SPTAN1: variants seen among roughly 807,000 people sequenced by gnomAD.
The protein encoded by SPTAN1 is spectrin alpha chain, non-erythrocytic 1.
A neutral mutation model predicts 331.3 loss-of-function variants in SPTAN1; 61 were observed. That is an observed-to-expected ratio of 0.18 (90% confidence interval 0.15 to 0.23). The LOEUF (loss-of-function observed/expected upper bound fraction) is 0.23, where lower values mean the gene tolerates loss of function less well. SPTAN1 is among the 10% of genes least tolerant of loss of function. The pLI is 1.00. For missense variants in SPTAN1, 2,043 were observed against 3,147.9 expected, an observed-to-expected ratio of 0.65 and a Z score of 8.40; for synonymous variants, 1,153 against 1,173.9, an observed-to-expected ratio of 0.98 and a Z score of 0.36.
chr9:128,589,047 A>G, intron 21 of SPTAN1, 104 bp downstream of exon 21: 1 of 1,498,662 alleles, frequency 6.7e-7, no homozygotes, highest in Non-Finnish European at 9.0e-7. Context: ...GAGAAGGCTT[A>G]GAATTCAAAG....
At chr9:128,556,712 A>G (rs1456131376) in intron 1 of SPTAN1, among the ~76,000 whole-genome samples, 1 of 152,224 alleles carries the variant, frequency 6.6e-6, no homozygotes, top group East Asian at 1.9e-4. Context: ...GAAGGCTGAC[A>G]TGCTGATCCA....
At chr9:128,586,016 T>C in intron 19 of SPTAN1, 51 bp downstream of exon 19, 1 of 1,556,318 alleles carries the variant, frequency 6.4e-7, no homozygotes, top group Non-Finnish European at 8.8e-7. Context: ...GAACAGGGCT[T>C]GTACTGAGAA....
chr9:128,569,000 A>G (rs1589156049), intron 3 of SPTAN1, 103 bp downstream of exon 3: 1 of 1,510,402 alleles, frequency 6.6e-7, no homozygotes. Context: ...AGACTTTTCC[A>G]GCTTTTAAAA....
intron 20 of SPTAN1, 101 bp downstream of exon 20, chr9:128,587,799 T>C: frequency 3.5e-6 from 3 of 863,718 alleles, no homozygotes; most frequent in Non-Finnish European, 5.8e-6. Context: ...ACTCTGCTAT[T>C]AACTCTTGTG....
At chr9:128,630,501 C>G in intron 52 of SPTAN1, 126 bp downstream of exon 52, 1 of 874,196 alleles carries the variant, frequency 1.1e-6, no homozygotes, top group Non-Finnish European at 1.9e-6. Flanking sequence ...TTCCCTTGGC[C>G]TAAAGCAGTC....
intron 3 of SPTAN1, among the ~76,000 whole-genome samples, chr9:128,570,361 A>T (rs1360849119): frequency 9.4e-6 from 1 of 106,544 alleles, no homozygotes; most frequent in East Asian, 2.8e-4. Flanking sequence ...TTTTGAGACG[A>T]AGTTTTGCTC....
rs114106997 is a variant in SPTAN1, at chr9:128,590,288, G to T, written c.3007-1189G>T. Among the ~76,000 whole-genome samples, 821 of 152,292 alleles carry T rather than the reference G, an allele frequency of 5.4e-3. 9 individuals are homozygous for T. The highest frequency in any genetic ancestry group is 0.019 in the African/African-American group (773 of 41,558). ...TATTCAAGAGCAGCATTGCCCAGTAGAACTTTCTGTGATGGTGGAAATGTA... is the reference window on the plus strand; with the variant it reads ...TATTCAAGAGCAGCATTGCCCAGTATAACTTTCTGTGATGGTGGAAATGTA... On this transcript the variant is annotated intron_variant, in intron 21 of 56. Transcript: ENST00000372739.
intron 40 of SPTAN1, among the ~76,000 whole-genome samples, chr9:128,614,116 T>A (rs1190052955): frequency 2.0e-5 from 3 of 151,932 alleles, no homozygotes; most frequent in Non-Finnish European, 4.4e-5. Flanking sequence ...TTCGGGTAAG[T>A]GTGAATAATT....
intron 21 of SPTAN1, among the ~76,000 whole-genome samples, chr9:128,590,819 CCAG>C (rs1438126072): frequency 6.6e-6 from 1 of 151,896 alleles, no homozygotes; most frequent in Non-Finnish European, 1.5e-5. Flanking sequence ...CCACTGCACT[CCAG>C]CCTGGCAACA....
rs1856253850 is a variant in SPTAN1, at chr9:128,608,950, C to G, written c.4568C>G (p.Ser1523Cys). Reference protein sequence around the residue: ...AAGHYAKGDISSRRNEVLDRW... With the variant: ...AAGHYAKGDICSRRNEVLDRW... ...GGCCATTATGCCAAGGGAGACATTT[C>G]TAGCCGGCGCAATGAGGTCTTGGAC... is the stretch of plus-strand genomic sequence containing the variant. The change falls in exon 35 of 57, where the codon TCT becomes TGT. Residue 1523 changes from serine to cysteine, a missense_variant. By Grantham distance (112) the Ser-to-Cys change is moderately radical. Around this residue, in one of 12 missense-constraint regions of SPTAN1, gnomAD observed 40 missense variants for 32.6 expected, o/e 1.23. Coordinates refer to ENST00000372739, the MANE Select transcript of SPTAN1 (RefSeq NM_001130438.3). The G allele has an allele frequency of 1.2e-6, 2 of 1,614,232 alleles. No homozygotes were observed. The highest frequency in any genetic ancestry group is 1.7e-6 in the Non-Finnish European group (2 of 1,180,052).
chr9:128,621,011 G>A, intron 44 of SPTAN1, 147 bp from the exon 45 acceptor site: 1 of 721,322 alleles, frequency 1.4e-6, no homozygotes. Context: ...ATTTATTAAT[G>A]TTCCTCTTTA....
chr9:128,593,847 C>T (rs1853862882), intron 23 of SPTAN1: 1 of 372,636 alleles, frequency 2.7e-6, no homozygotes, highest in African/African-American at 2.1e-5. Context: ...ACTGTAGTTG[C>T]ATGAGCCCTG....
intron 1 of SPTAN1, among the ~76,000 whole-genome samples, chr9:128,554,397 C>T (rs529403611): frequency 2.0e-5 from 3 of 152,290 alleles, no homozygotes; most frequent in East Asian, 3.9e-4. Flanking sequence ...GCCTGTCAAG[C>T]AATATGATGA....
chr9:128,612,044 G>A, intron 38 of SPTAN1, 65 bp from the exon 39 acceptor site: 1 of 1,613,374 alleles, frequency 6.2e-7, no homozygotes, highest in Non-Finnish European at 8.5e-7. Context: ...TTCTCAAATT[G>A]AGCTTTAGGA....
At chr9:128,607,361 T>C (rs1856026461) in intron 31 of SPTAN1, among the ~76,000 whole-genome samples, 1 of 152,220 alleles carries the variant, frequency 6.6e-6, no homozygotes, top group Non-Finnish European at 1.5e-5. Context: ...GAACTTGTTA[T>C]TCTGGAGGGT....
At chr9:128,623,955 G>T (rs201348797) in intron 45 of SPTAN1, among the ~76,000 whole-genome samples, 1 of 136,098 alleles carries the variant, frequency 7.3e-6, no homozygotes, top group African/African-American at 3.2e-5. Context: ...GGTGGTGTTC[G>T]CCTATTAGTC....
At chr9:128,610,589 C>T (rs2131658527) in intron 37 of SPTAN1, among the ~76,000 whole-genome samples, 1 of 152,166 alleles carries the variant, frequency 6.6e-6, no homozygotes, top group South Asian at 2.1e-4. Context: ...ATAACACTCC[C>T]CTGAGACCCT....
In SPTAN1 at chr9:128,608,049, G is replaced by A. The variant is rs1357221237; in HGVS notation, c.4344G>A (p.Gln1448=). 6.2e-7 allele frequency: 1 copy of A among 1,614,038 alleles called. No individual in the cohort carries two copies. Among genetic ancestry groups the A allele is most frequent in the Non-Finnish European group, 8.5e-7 (1 of 1,180,038 alleles). ...RMMLDQCLEL[Q]LFHRDCEQAE... ...TGCTGGATCAGTGCCTTGAACTGCA[G>A]GTGTGTGTGCTCCTGGTTTCTGACC... The change falls in exon 33 of 57, where the codon CAG becomes CAA. Residue 1448 remains glutamine (Q), a splice_region_variant and synonymous_variant. Transcript: ENST00000372739.
intron 3 of SPTAN1, among the ~76,000 whole-genome samples, chr9:128,569,577 T>C (rs1850420757): frequency 6.6e-6 from 1 of 151,838 alleles, no homozygotes; most frequent in Admixed American, 6.6e-5. Flanking sequence ...GTTGAGTTTC[T>C]TATAACTGGA....
Sources: allele counts gnomAD v4.1 joint callset (sites outside exome capture counted in the v4.1 genomes callset), GRCh38; gene constraint gnomAD v4.1.1; regional missense constraint gnomAD v4.1.1; transcripts MANE v1.5; gene names NCBI Gene and HGNC (gene_info 2026-07-23, HGNC 2026-07-21).